Variants in THBS4 observed in about 807,000 individuals in gnomAD.
THBS4 encodes the protein thrombospondin-4.
Under a neutral mutation model 115.7 loss-of-function variants are expected in THBS4, and 90 were observed. The ratio of observed to expected loss-of-function variants is 0.78; its 90% confidence interval spans 0.66 to 0.93. The LOEUF (loss-of-function observed/expected upper bound fraction) is 0.93. Ranked by LOEUF, THBS4 falls within the 40% of genes least tolerant of loss-of-function variation. THBS4 has a pLI of 0.00. For missense variants in THBS4, 1,087 were observed against 1,232.7 expected (o/e 0.88, Z 1.77); for synonymous variants, 460 against 479.3 (o/e 0.96, Z 0.53).
chr5:79,991,343 T>C, exon 1 of THBS4: 1 of 1,032,584 alleles, frequency 9.7e-7, no homozygotes, highest in Non-Finnish European at 1.4e-6. Flanking sequence ...ATTTGGGGGC[T>C]CTTGAGAGAT....
chr5:80,050,198 A>G (rs916977076), intron 2 of THBS4, among the ~76,000 whole-genome samples: 1 of 152,184 alleles, frequency 6.6e-6, no homozygotes, highest in East Asian at 1.9e-4. Flanking sequence ...CACAGAACCC[A>G]TTTATCAAGA....
intron 9 of THBS4, chr5:80,067,178 GAAA>G (rs151052431): frequency 1.8e-3 from 273 of 151,546 alleles, no homozygotes; most frequent in African/African-American, 6.2e-3. Flanking sequence ...CACTGAAAAA[GAAA>G]AAAAGGAAGG....
chr5:80,078,047 A>T lies in THBS4; in HGVS notation c.2087-2A>T, dbSNP rs1386244275. 1.3e-6 allele frequency: 2 copies of T among 1,570,946 alleles called. No individual in the cohort carries two copies. The highest frequency in any genetic ancestry group is 1.7e-6 in the Non-Finnish European group (2 of 1,151,188). On this transcript the variant is annotated splice_acceptor_variant, in intron 16 of 21. Transcript: ENST00000350881. LOFTEE classifies it high-confidence loss of function. ...CTCCTGTCCTTTCTCCACCCCACTC[A>T]GGCGACGGAGTGGGAGACATCTGTG...
chr5:80,005,353 C>T (rs1197473047), intron 2 of THBS4, among the ~76,000 whole-genome samples: 2 of 152,116 alleles, frequency 1.3e-5, no homozygotes, highest in African/African-American at 4.8e-5. Flanking sequence ...GTGTGTAATA[C>T]AAATAAGCAT....
intron 1 of THBS4, among the ~76,000 whole-genome samples, chr5:79,991,897 T>G (rs1831682595): frequency 6.6e-6 from 1 of 152,194 alleles, no homozygotes; most frequent in Admixed American, 6.5e-5. Flanking sequence ...CTTGTGCATA[T>G]TTGAATTGTA....
chr5:80,035,564 C>T lies in THBS4; in HGVS notation c.27C>T (p.Val9=), dbSNP rs763638445. Residue 9 remains valine, a synonymous_variant, in exon 1 of 22, where the codon GTC becomes GTT. Transcript: ENST00000350881. The surrounding 1 kb of genome is among the most constrained non-coding windows in gnomAD (Gnocchi z 4.6). ...TGCTGGCCCCGCGCGGAGCCGCCGT[C>T]CTCCTGCTGCACCTGGTCCTGCAGC... MLAPRGAA[V]LLLHLVLQRW... 1.7e-5 allele frequency: 25 copies of T among 1,429,414 alleles called. No homozygotes were observed. The highest frequency in any genetic ancestry group is 2.1e-5 in the Non-Finnish European group (23 of 1,091,354). The allele number at this position is 1,429,414 out of a possible 1,614,324, so 88.5% of individuals were successfully genotyped here. A position where few individuals can be genotyped will look rare whatever the true frequency, so the allele number is the denominator to read the frequency against.
At position 80,060,106 on chromosome 5, in the gene THBS4, T is replaced by C. The variant is rs77339713; in HGVS notation, c.987+201T>C. 5.5e-3 allele frequency among the ~76,000 whole-genome samples: 838 copies of C among 152,356 alleles called. 7 individuals are homozygous for C. Among genetic ancestry groups the C allele is most frequent in the African/African-American group, 0.019 (807 of 41,582 alleles). ...AGGTTATGGCTGCGTTTGTCATTTT[T>C]CCTCTGTGTTTCCAACTCTTCTACT... On this transcript the variant is annotated intron_variant, in intron 7 of 21. Transcript: ENST00000350881.
chr5:80,016,144 A>G (rs767368790), intron 2 of THBS4, among the ~76,000 whole-genome samples: 41 of 152,128 alleles, frequency 2.7e-4, no homozygotes, highest in Non-Finnish European at 4.6e-4. Flanking sequence ...CCAAACCTCA[A>G]TGACTCACCA....
chr5:80,071,982 C>G (rs945640128), intron 13 of THBS4: 9 of 329,174 alleles, frequency 2.7e-5, no homozygotes, highest in African/African-American at 1.0e-4. Flanking sequence ...CCCACGAGAT[C>G]CTCCCTCTCC....
Position 80,024,930 on chromosome 5 carries a change from G to A in THBS4, n.178-15147G>A, listed in dbSNP as rs1832445886. Among the ~76,000 whole-genome samples, 7 of 152,302 alleles carry A rather than the reference G, an allele frequency of 4.6e-5. No individual in the cohort carries two copies. In the South Asian group the frequency reaches 1.5e-3, roughly 32 times the overall value. On this transcript the variant is annotated intron_variant and non_coding_transcript_variant, in intron 2 of 3. Transcript: ENST00000510218. ...CTAGGGTCAGAAGACCTCAGTTCGA[G>A]TCCACTTTCTGGCATTTCCTTGGGA...
intron 2 of THBS4, among the ~76,000 whole-genome samples, chr5:80,003,563 G>A (rs1580902588): frequency 6.6e-6 from 1 of 152,022 alleles, no homozygotes; most frequent in African/African-American, 2.4e-5. Flanking sequence ...CCACAAAACA[G>A]CTCCAGCCAA....
Position 80,056,016 on chromosome 5 carries a change from T to G in THBS4, c.524T>G (p.Phe175Cys). 3 of 1,607,142 alleles carry G rather than the reference T, an allele frequency of 1.9e-6. No individual in the cohort carries two copies. Among genetic ancestry groups the G allele is most frequent in the Non-Finnish European group, 2.6e-6 (3 of 1,175,652 alleles). The change falls in exon 3 of 22, where the codon TTC (phenylalanine) becomes TGC (cysteine). Residue 175 changes from phenylalanine to cysteine, a missense_variant. By Grantham distance (205) the Phe-to-Cys change is radical. This residue lies in a region of THBS4 where 979 missense variants were observed against 1,103.7 expected (regional missense o/e 0.89). Transcript: ENST00000350881. ...QKPETIELRT[F>C]QRKPQDFLEE... is the part of the protein sequence containing the mutation. ...CCTGAGACCATTGAATTGAGGACTT[T>G]CCAGAGGAAGCCACAGGTAGGAACC...
At chr5:80,000,600 A>G (rs946332067) in intron 2 of THBS4, among the ~76,000 whole-genome samples, 1 of 152,188 alleles carries the variant, frequency 6.6e-6, no homozygotes, top group Admixed American at 6.5e-5. Context: ...TAAGGCTGTC[A>G]TGAATAAGCA....
At chr5:79,992,717 A>G (rs1316415640) in intron 1 of THBS4, among the ~76,000 whole-genome samples, 2 of 152,224 alleles carry the variant, frequency 1.3e-5, no homozygotes, top group Non-Finnish European at 2.9e-5. Context: ...ACAGTGCACA[A>G]AGGAGATATA....
intron 2 of THBS4, among the ~76,000 whole-genome samples, chr5:80,020,478 A>T (rs1461758205): frequency 2.0e-5 from 3 of 152,156 alleles, no homozygotes; most frequent in Admixed American, 6.5e-5. Flanking sequence ...CATCTCAAAA[A>T]ACAAAAAACA....
intron 2 of THBS4, among the ~76,000 whole-genome samples, chr5:80,003,848 C>T (rs1057243598): frequency 1.3e-5 from 2 of 152,136 alleles, no homozygotes; most frequent in African/African-American, 4.8e-5. Context: ...CATCAAAAGC[C>T]GCTTGTTGAG....
chr5:80,019,331 A>G (rs1832314632), intron 2 of THBS4, among the ~76,000 whole-genome samples: 1 of 152,234 alleles, frequency 6.6e-6, no homozygotes. Flanking sequence ...AAGAAACTAC[A>G]GAGATGAACA....
At chr5:79,997,388 A>G (rs979251325) in intron 1 of THBS4, among the ~76,000 whole-genome samples, 6 of 151,258 alleles carry the variant, frequency 4.0e-5, no homozygotes, top group Admixed American at 6.6e-5. Context: ...GTATGCGTGT[A>G]TGTGTGTGTG....
chr5:80,080,510 GCA>G (rs1743433308), intron 20 of THBS4, among the ~76,000 whole-genome samples: 1 of 29,282 alleles, frequency 3.4e-5, no homozygotes, highest in African/African-American at 2.4e-4. Flanking sequence ...CACCCTGACT[GCA>G]GCACTATGTC....
Sources: gnomAD v4.1 joint callset for allele counts (sites outside exome capture counted in the v4.1 genomes callset) on GRCh38, gnomAD v4.1.1 for gene constraint, gnomAD v4.1.1 regional missense constraint, Gnocchi (gnomAD v3.1) non-coding constraint, MANE v1.5 for transcripts, NCBI Gene and HGNC (gene_info 2026-07-23, HGNC 2026-07-21) for gene names.